OSGEP: variants seen among roughly 807,000 people sequenced by gnomAD.
The protein encoded by OSGEP is tRNA N6-adenosine threonylcarbamoyltransferase.
Under a neutral mutation model 44.1 loss-of-function variants are expected in OSGEP, and 39 were observed. That is an observed-to-expected ratio of 0.88 (90% confidence interval 0.69 to 1.16). OSGEP has a LOEUF of 1.16. Among genes scored for constraint, OSGEP ranks in the 50% most tolerant of loss-of-function variants. The pLI, the probability that OSGEP is intolerant of heterozygous loss-of-function variation, is 0.00. For synonymous variants in OSGEP, 139 were observed against 161.9 expected (o/e 0.86, Z 1.07); for missense variants, 403 against 443.1 (o/e 0.91, Z 0.81).
At chr14:20,452,279 G>T in intron 2 of OSGEP, 50 bp downstream of exon 2, 1 of 1,608,140 alleles carries the variant, frequency 6.2e-7, no homozygotes, top group Non-Finnish European at 8.5e-7. Flanking sequence ...TTTTGACCTA[G>T]CCAGGTTGCA....
intron 6 of OSGEP, 88 bp from the exon 7 acceptor site, chr14:20,448,259 C>G (rs933354037): frequency 4.7e-5 from 47 of 1,006,678 alleles, no homozygotes; most frequent in Middle Eastern, 2.0e-4. Context: ...GGAGGGTCAT[C>G]ATGTTTCACC....
chr14:20,449,440 A>G (rs1881039382), intron 3 of OSGEP, 174 bp from the exon 4 acceptor site: 1 of 599,930 alleles, frequency 1.7e-6, no homozygotes, highest in Non-Finnish European at 3.0e-6. Context: ...ATTTGAGAAG[A>G]AATCTGTATA....
chr14:20,452,708 CTTT>C (rs59935464), intron 1 of OSGEP, among the ~76,000 whole-genome samples: 5 of 135,340 alleles, frequency 3.7e-5, no homozygotes, highest in Non-Finnish European at 3.2e-5. Flanking sequence ...CTTTCGTGAT[CTTT>C]TTTTTTTTTT....
chr14:20,447,274 C>A lies in OSGEP; in HGVS notation c.974G>T (p.Arg325Leu). The A allele has an allele frequency of 6.2e-7, 1 of 1,614,076 alleles. No homozygotes were observed. The highest frequency in any genetic ancestry group is 8.5e-7 in the Non-Finnish European group (1 of 1,179,966). Residue 325 changes from arginine to leucine, a missense_variant, in exon 11 of 11, where the codon CGG (arginine) becomes CTG (leucine). Transcript: ENST00000206542. The part of the protein sequence containing the change: ...LSDSGVTQRY[R>L]TDEVEVTWRD ...CCAGGTCACCTCTACTTCATCTGTC[C>A]GATACCTGTGGAAAAACAGAAGAAA...
chr14:20,452,708 C>CTTTTTTTTTT (rs59935464), intron 1 of OSGEP, among the ~76,000 whole-genome samples: 4 of 135,316 alleles, frequency 3.0e-5, no homozygotes, highest in African/African-American at 2.7e-5. Flanking sequence ...CTTTCGTGAT[C>CTTTTTTTTTT]TTTTTTTTTT....
intron 2 of OSGEP, 38 bp from the exon 3 acceptor site, chr14:20,452,187 T>G: frequency 6.5e-7 from 1 of 1,543,366 alleles, no homozygotes. Context: ...TCCTAGAGAT[T>G]GGAAAAAAAC....
chr14:20,447,355 G>A (rs1039393213), intron 10 of OSGEP, 67 bp downstream of exon 10: 42 of 1,600,286 alleles, frequency 2.6e-5, no homozygotes, highest in Non-Finnish European at 3.5e-5. Context: ...TCATGTTCCT[G>A]GACTCTTCCC....
chr14:20,447,413 A>C lies in OSGEP; in HGVS notation c.968+9T>G, dbSNP rs1482630531. The C allele has an allele frequency of 1.9e-6, 3 of 1,602,304 alleles. No individual in the cohort carries two copies. Among genetic ancestry groups the C allele is most frequent in the Non-Finnish European group, 1.7e-6 (2 of 1,169,138 alleles). Reference sequence around the variant, plus strand: ...ATAATCTACCCTCACCAAGAGGTGAATCACTCACCTCTGTGTAACCCCAGA... The same window carrying C: ...ATAATCTACCCTCACCAAGAGGTGACTCACTCACCTCTGTGTAACCCCAGA... On this transcript the variant is annotated intron_variant, in intron 10 of 10. Coordinates refer to ENST00000206542, the MANE Select transcript of OSGEP (RefSeq NM_017807.4).
rs1470117097 is a variant in OSGEP, at chr14:20,448,245, A to G, written c.637-74T>C. Reference sequence around the variant, plus strand: ...ATTACACGAGAGCAAAAATTAATGCATTCGGAGGGTCATCATGTTTCACCA... The same window carrying G: ...ATTACACGAGAGCAAAAATTAATGCGTTCGGAGGGTCATCATGTTTCACCA... On this transcript the variant is annotated intron_variant, in intron 6 of 10. Coordinates refer to ENST00000206542, the MANE Select transcript of OSGEP (RefSeq NM_017807.4). The G allele has an allele frequency of 8.7e-6, 10 of 1,149,422 alleles. No homozygotes were observed. The African/African-American group carries it at 1.2e-4, about 14-fold the overall frequency. 71.2% of individuals were successfully genotyped at this position (1,149,422 alleles called of 1,614,324 possible). A position where few individuals can be genotyped will look rare whatever the true frequency, so the allele number is the denominator to read the frequency against.
intron 5 of OSGEP, 25 bp from the exon 6 acceptor site, chr14:20,448,836 C>T: frequency 6.3e-7 from 1 of 1,598,872 alleles, no homozygotes; most frequent in Non-Finnish European, 8.6e-7. Flanking sequence ...GCGTACGAGG[C>T]ACTAAGCCTA....
rs1880962109 is a variant in OSGEP, at chr14:20,446,972, T to C, written c.*268A>G. ...AAAAAAAAAAAAGATACCTCATTCT[T>C]GGTTCCACAGCAGCAAGCTCCAACA... On this transcript the variant is annotated 3_prime_UTR_variant, in exon 11 of 11. Transcript: ENST00000206542. 7.1e-6 allele frequency: 3 copies of C among 422,230 alleles called. No individual in the cohort carries two copies. The highest frequency in any genetic ancestry group is 4.1e-5 in the African/African-American group (2 of 49,014). 26.2% of individuals were successfully genotyped at this position (422,230 alleles called of 1,614,324 possible).
At chr14:20,448,849 G>T in intron 5 of OSGEP, 38 bp from the exon 6 acceptor site, 2 of 1,593,790 alleles carry the variant, frequency 1.3e-6, no homozygotes, top group Non-Finnish European at 1.7e-6. Flanking sequence ...TAAGCCTACA[G>T]TCAGCTGGCT....
rs568410529 is a variant in OSGEP at position 20,447,681 on chromosome 14, C to T, written c.803G>A (p.Arg268Lys). Residue 268 changes from arginine to lysine, a missense_variant, in exon 9 of 11, where the codon AGG (arginine) becomes AAG (lysine). Coordinates refer to ENST00000206542, the MANE Select transcript of OSGEP (RefSeq NM_017807.4). ...LIVGGVGCNV[R>K]LQEMMATMCQ... ...CATTGTTGCCATCATCTCCTGTAGC[C>T]TCACATTACCTACAAAGAGGCAGGG... 1.9e-6 allele frequency: 3 copies of T among 1,613,314 alleles called. No homozygotes were observed. Among genetic ancestry groups the T allele is most frequent in the Non-Finnish European group, 2.5e-6 (3 of 1,179,414 alleles).
chr14:20,449,361 C>G (rs931963802), intron 3 of OSGEP, 95 bp from the exon 4 acceptor site: 1 of 765,546 alleles, frequency 1.3e-6, no homozygotes, highest in African/African-American at 1.7e-5. Context: ...ACATGACCAC[C>G]AGGGCTTCCA....
At chr14:20,452,534 G>C (rs999759177) in intron 1 of OSGEP, 86 bp from the exon 2 acceptor site, 5 of 1,329,188 alleles carry the variant, frequency 3.8e-6, no homozygotes, top group Non-Finnish European at 5.3e-6. Context: ...AGGAGTTTTA[G>C]TGATGTAGTA....
intron 3 of OSGEP, chr14:20,451,328 C>A (rs539308030): frequency 3.4e-6 from 1 of 296,116 alleles, no homozygotes; most frequent in Non-Finnish European, 6.6e-6. Flanking sequence ...TTGTTTGAGA[C>A]GGAGTTTTGC....
chr14:20,447,765 A>T (rs757853935), intron 8 of OSGEP, 75 bp from the exon 9 acceptor site: 2 of 1,302,834 alleles, frequency 1.5e-6, no homozygotes, highest in Non-Finnish European at 2.2e-6. Context: ...CGTCATGTGC[A>T]CTCACTTAGA....
intron 10 of OSGEP, 64 bp downstream of exon 10, chr14:20,447,358 C>T (rs899742790): frequency 7.5e-6 from 12 of 1,601,128 alleles, no homozygotes; most frequent in Non-Finnish European, 9.4e-6. Context: ...TGTTCCTGGA[C>T]TCTTCCCTGC....
In OSGEP at chr14:20,447,913, C is replaced by T; in HGVS notation, c.784G>A (p.Gly262Arg). ...TTTCAATAATACATACACCCCACTCCTCCCACAATGAGGGCCTCCTGGGAG... is the reference window on the plus strand; with the variant it reads ...TTTCAATAATACATACACCCCACTCTTCCCACAATGAGGGCCTCCTGGGAG... ...CGSQEALIVG[G>R]VGCNVRLQEM... Residue 262 changes from glycine to arginine, a missense_variant, in exon 8 of 11, where the codon GGA (glycine) becomes AGA (arginine). By Grantham distance (125) the Gly-to-Arg change is moderately radical. Coordinates refer to ENST00000206542, the MANE Select transcript of OSGEP (RefSeq NM_017807.4). The T allele has an allele frequency of 6.2e-7, 1 of 1,607,672 alleles. No homozygotes were observed. Among genetic ancestry groups the T allele is most frequent in the Non-Finnish European group, 8.5e-7 (1 of 1,174,008 alleles).
Sources: allele counts gnomAD v4.1 joint callset (sites outside exome capture counted in the v4.1 genomes callset), GRCh38; gene constraint gnomAD v4.1.1; transcripts MANE v1.5; gene names NCBI Gene and HGNC (gene_info 2026-07-23, HGNC 2026-07-21).